Variants in CRIPT observed in about 807,000 individuals in gnomAD.
CRIPT encodes cysteine-rich PDZ-binding protein.
In CRIPT, 20 loss-of-function variants were observed where a neutral mutation model predicts 16.6. The observed-to-expected ratio is 1.20, with a 90% CI of 0.85 to 1.75. The LOEUF is 1.75. Ranked by LOEUF, CRIPT falls within the 40% of genes most tolerant of loss-of-function variation. The pLI, the probability that CRIPT is intolerant of heterozygous loss-of-function variation, is 0.00. For synonymous variants in CRIPT, 42 were observed against 37.0 expected (o/e 1.14, Z -0.49); for missense variants, 133 against 115.3 (o/e 1.15, Z -0.70).
At position 46,625,686 on chromosome 2, in the gene CRIPT, T is replaced by C. The variant is rs901889513; in HGVS notation, c.*1459T>C. 6.6e-6 allele frequency: 1 copy of C among 152,256 alleles called. No homozygotes were observed. The highest frequency in any genetic ancestry group is 6.5e-5 in the Admixed American group (1 of 15,292). The allele number at this position is 152,256 out of a possible 1,614,324, so 9.4% of individuals were successfully genotyped here. On this transcript the variant is annotated 3_prime_UTR_variant, in exon 5 of 5. Transcript: ENST00000238892. ...TCTGAGATACATTGTTATTTATTCA[T>C]ATCCAGAAAAATTACAAGGATAATA...
At chr2:46,618,629 C>T (rs758373761) in intron 1 of CRIPT, 144 bp from the exon 2 acceptor site, 2 of 489,158 alleles carry the variant, frequency 4.1e-6, no homozygotes, top group African/African-American at 2.0e-5. Context: ...ATATGAGTCT[C>T]AGTTGATTGG....
intron 1 of CRIPT, 40 bp downstream of exon 1, chr2:46,617,338 G>T (rs1263245538): frequency 6.5e-7 from 1 of 1,550,352 alleles, no homozygotes; most frequent in Admixed American, 2.0e-5. Context: ...AGGAGGCTGG[G>T]AGAACCTAAC....
rs1670963962 is a variant in CRIPT at position 46,627,341 on chromosome 2, T to C, written c.*3114T>C. On this transcript the variant is annotated 3_prime_UTR_variant, in exon 5 of 5. Transcript: ENST00000238892. The stretch of plus-strand genomic sequence containing the variant: ...TTTTTGTTTTTGTTGCAATTGCTTT[T>C]GAGGACTTAGCCGTAAGTTCTTTCC... Among the ~76,000 whole-genome samples, 1 of 152,124 alleles carries C rather than the reference T, an allele frequency of 6.6e-6. No individual in the cohort carries two copies. The highest frequency in any genetic ancestry group is 2.1e-4 in the South Asian group (1 of 4,826).
Position 46,624,823 on chromosome 2 carries a change from A to C in CRIPT, c.*596A>C, listed in dbSNP as rs985433893. ...TTCTTTAATATGTGACCAAGAACACAAGGAGCATCCATATGGCCAAATAAA... is the reference window on the plus strand; with the variant it reads ...TTCTTTAATATGTGACCAAGAACACCAGGAGCATCCATATGGCCAAATAAA... On this transcript the variant is annotated 3_prime_UTR_variant, in exon 5 of 5. Transcript: ENST00000238892. 4 of 152,188 alleles carry C rather than the reference A, an allele frequency of 2.6e-5. No individual in the cohort carries two copies. The highest frequency in any genetic ancestry group is 7.2e-5 in the African/African-American group (3 of 41,452). The allele number at this position is 152,188 out of a possible 1,614,324, so 9.4% of individuals were successfully genotyped here. A position where few individuals can be genotyped will look rare whatever the true frequency, so the allele number is the denominator to read the frequency against.
At chr2:46,620,980 C>A (rs1456415453) in intron 3 of CRIPT, among the ~76,000 whole-genome samples, 1 of 151,942 alleles carries the variant, frequency 6.6e-6, no homozygotes, top group Non-Finnish European at 1.5e-5. Flanking sequence ...TTTGGATCTA[C>A]CTCCAAAACG....
At position 46,628,872 on chromosome 2, in the gene CRIPT, A is replaced by G. The variant is rs1220613993; in HGVS notation, c.*4645A>G. 6.6e-6 allele frequency among the ~76,000 whole-genome samples: 1 copy of G among 152,238 alleles called. No homozygotes were observed. The highest frequency in any genetic ancestry group is 1.5e-5 in the Non-Finnish European group (1 of 68,030). ...AATAAGATGACAGAATTAAGGCCTT[A>G]TGCCACAGCCAGAGTTGAAAAATGC... On this transcript the variant is annotated 3_prime_UTR_variant, in exon 5 of 5. Coordinates refer to ENST00000238892, the MANE Select transcript of CRIPT (RefSeq NM_014171.6).
rs1333498134 is a variant in CRIPT, at chr2:46,629,804, A to T, written c.*5577A>T. 6.6e-6 allele frequency among the ~76,000 whole-genome samples: 1 copy of T among 152,154 alleles called. No homozygotes were observed. Among genetic ancestry groups the T allele is most frequent in the African/African-American group, 2.4e-5 (1 of 41,436 alleles). On this transcript the variant is annotated 3_prime_UTR_variant, in exon 5 of 5. Transcript: ENST00000238892. ...TTTTTCCTTTTGCAATTAGTGGGTA[A>T]TTTGTGAGGAGAAACTTTGAGACCT...
In CRIPT at chr2:46,627,307, A is replaced by C. The variant is rs1480803462; in HGVS notation, c.*3080A>C. Reference sequence around the variant, plus strand: ...AAGCTCTTTAGTTTGATTAGGTTCCACTTGTCAATTTTTGTTTTTGTTGCA... The same window carrying C: ...AAGCTCTTTAGTTTGATTAGGTTCCCCTTGTCAATTTTTGTTTTTGTTGCA... On this transcript the variant is annotated 3_prime_UTR_variant, in exon 5 of 5. Coordinates refer to ENST00000238892, the MANE Select transcript of CRIPT (RefSeq NM_014171.6). Among the ~76,000 whole-genome samples, 2 of 152,034 alleles carry C rather than the reference A, an allele frequency of 1.3e-5. No homozygotes were observed. The highest frequency in any genetic ancestry group is 4.8e-5 in the African/African-American group (2 of 41,378).
chr2:46,619,679 A>T lies in CRIPT; in HGVS notation c.135A>T (p.Ala45=). 6.2e-7 allele frequency: 1 copy of T among 1,610,804 alleles called. No individual in the cohort carries two copies. The highest frequency in any genetic ancestry group is 1.1e-5 in the South Asian group (1 of 90,610). The stretch of plus-strand genomic sequence containing the variant: ...ATAAAGCTTTGACTTCAAAAAAAGC[A>T]AGGTGGGTAAGAGGATCCATCGATG... The part of the protein sequence containing the change: ...NENKALTSKK[A]RFDPYGKNKF... The change falls in exon 3 of 5, where the codon GCA becomes GCT. Residue 45 remains alanine, a splice_region_variant and synonymous_variant. Coordinates refer to ENST00000238892, the MANE Select transcript of CRIPT (RefSeq NM_014171.6).
chr2:46,620,053 G>A (rs1335201939), intron 3 of CRIPT, among the ~76,000 whole-genome samples: 1 of 152,146 alleles, frequency 6.6e-6, no homozygotes, highest in Non-Finnish European at 1.5e-5. Context: ...AGCAAGTTAA[G>A]CATGTTTCGT....
intron 1 of CRIPT, among the ~76,000 whole-genome samples, chr2:46,618,376 G>T (rs921472938): frequency 6.6e-6 from 1 of 152,042 alleles, no homozygotes; most frequent in Non-Finnish European, 1.5e-5. Flanking sequence ...TGGAACCCAG[G>T]TTACAGATTG....
intron 3 of CRIPT, among the ~76,000 whole-genome samples, chr2:46,623,020 T>C (rs1670848934): frequency 6.6e-6 from 1 of 152,056 alleles, no homozygotes; most frequent in African/African-American, 2.4e-5. Context: ...AGTATTTCTT[T>C]TTTTCACTCC....
Position 46,624,425 on chromosome 2 carries a change from C to A in CRIPT, c.*198C>A, listed in dbSNP as rs1572796552. On this transcript the variant is annotated 3_prime_UTR_variant, in exon 5 of 5. Coordinates refer to ENST00000238892, the MANE Select transcript of CRIPT (RefSeq NM_014171.6). The stretch of plus-strand genomic sequence containing the variant: ...TCTTTTGTTGTAAATGGTTATTTTC[C>A]TTATAAGAATTTTAAGAACTAAGTG... The A allele has an allele frequency of 2.2e-5, 8 of 364,964 alleles. No homozygotes were observed. In the East Asian group the frequency reaches 3.2e-4, roughly 15 times the overall value. 22.6% of individuals were successfully genotyped at this position (364,964 alleles called of 1,614,324 possible).
chr2:46,618,880 A>G (rs768231925), intron 2 of CRIPT, 42 bp downstream of exon 2: 1 of 1,170,696 alleles, frequency 8.5e-7, no homozygotes. Flanking sequence ...CCGAATACTT[A>G]CTGTGAATAA....
chr2:46,621,637 A>G (rs917248980), intron 3 of CRIPT, among the ~76,000 whole-genome samples: 20 of 152,314 alleles, frequency 1.3e-4, no homozygotes, highest in Admixed American at 8.5e-4. Flanking sequence ...TATCATGTTC[A>G]TCTTTGGTAT....
chr2:46,624,631 A>G lies in CRIPT; in HGVS notation c.*404A>G, dbSNP rs897409226. 3 of 153,316 alleles carry G rather than the reference A, an allele frequency of 2.0e-5. No individual in the cohort carries two copies. The highest frequency in any genetic ancestry group is 7.2e-5 in the African/African-American group (3 of 41,500). The allele number at this position is 153,316 out of a possible 1,614,324, so 9.5% of individuals were successfully genotyped here. On this transcript the variant is annotated 3_prime_UTR_variant, in exon 5 of 5. Transcript: ENST00000238892. ...CTCCCCTCACTCCCTTGCTGGTGTC[A>G]TAGTTATTAGAATCAGCAGCCTCTT... is the stretch of plus-strand genomic sequence containing the variant.
chr2:46,626,250 T>C lies in CRIPT; in HGVS notation c.*2023T>C, dbSNP rs1670937047. On this transcript the variant is annotated 3_prime_UTR_variant, in exon 5 of 5. Transcript: ENST00000238892. ...TGACCTCCAGCTGCATCCATGTTGC[T>C]GCAAAAGACATGATTTTCATTCTTT... is the stretch of plus-strand genomic sequence containing the variant. Among the ~76,000 whole-genome samples the C allele has an allele frequency of 6.6e-6, 1 of 152,242 alleles. No homozygotes were observed. Among genetic ancestry groups the C allele is most frequent in the Admixed American group, 6.5e-5 (1 of 15,288 alleles).
At position 46,619,567 on chromosome 2, in the gene CRIPT, T is replaced by G. The variant is rs531149384; in HGVS notation, c.83-60T>G. ...GTAGAAAGTCAAGGAATGAACTTCT[T>G]AATATTATATGTTAAATGTATAGAA... On this transcript the variant is annotated intron_variant, in intron 2 of 4. Coordinates refer to ENST00000238892, the MANE Select transcript of CRIPT (RefSeq NM_014171.6). The G allele has an allele frequency of 3.4e-6, 4 of 1,183,250 alleles. No homozygotes were observed. In the South Asian group the frequency reaches 5.8e-5, roughly 17 times the overall value. 73.3% of individuals were successfully genotyped at this position (1,183,250 alleles called of 1,614,324 possible).
chr2:46,624,360 C>T lies in CRIPT; in HGVS notation c.*133C>T. Reference sequence around the variant, plus strand: ...TAAACCAGAGAATTTGATTGTTACTCATTTTGCTCTCATGTTCTAAACAGC... The same window carrying T: ...TAAACCAGAGAATTTGATTGTTACTTATTTTGCTCTCATGTTCTAAACAGC... On this transcript the variant is annotated 3_prime_UTR_variant, in exon 5 of 5. Coordinates refer to ENST00000238892, the MANE Select transcript of CRIPT (RefSeq NM_014171.6). 2.1e-6 allele frequency: 1 copy of T among 481,070 alleles called. No homozygotes were observed. The highest frequency in any genetic ancestry group is 3.5e-6 in the Non-Finnish European group (1 of 284,084). The allele number at this position is 481,070 out of a possible 1,614,324, so 29.8% of individuals were successfully genotyped here.
Sources: allele counts gnomAD v4.1 joint callset (sites outside exome capture counted in the v4.1 genomes callset), GRCh38; gene constraint gnomAD v4.1.1; transcripts MANE v1.5; gene names NCBI Gene and HGNC (gene_info 2026-07-23, HGNC 2026-07-21).